The following THSD4 variants were observed in gnomAD, a reference collection of about 807,000 sequenced individuals.
THSD4 encodes thrombospondin type-1 domain-containing protein 4.
In THSD4, 69 loss-of-function variants were observed where a neutral mutation model predicts 119.0. That is an observed-to-expected ratio of 0.58 (90% CI 0.48 to 0.71). The LOEUF is 0.71. Among genes scored for constraint, THSD4 ranks in the 30% least tolerant of loss-of-function variants. The probability of loss-of-function intolerance (pLI) is 0.00; values close to 1 mark genes in which losing one functional copy is unlikely to be tolerated. For missense variants in THSD4, 1,393 were observed against 1,391.1 expected, an observed-to-expected ratio of 1.00 and a Z score of -0.02; for synonymous variants, 524 against 540.4, an observed-to-expected ratio of 0.97 and a Z score of 0.42.
intron 7 of THSD4, among the ~76,000 whole-genome samples, chr15:71,545,504 C>T (rs1423613598): frequency 6.6e-6 from 1 of 152,206 alleles, no homozygotes; most frequent in Non-Finnish European, 1.5e-5. Flanking sequence ...CTTGAGCCCA[C>T]GTGGTCTGTA....
At chr15:71,475,194 G>A (rs1402651880) in intron 7 of THSD4, among the ~76,000 whole-genome samples, 1 of 152,156 alleles carries the variant, frequency 6.6e-6, no homozygotes, top group African/African-American at 2.4e-5. Context: ...AGTTGAATGT[G>A]CCATCTGTCT....
At chr15:71,572,534 C>G (rs766882713) in intron 7 of THSD4, among the ~76,000 whole-genome samples, 10 of 152,110 alleles carry the variant, frequency 6.6e-5, no homozygotes, top group Non-Finnish European at 1.0e-4. Context: ...AAAGAAGAGA[C>G]ACTGGCTTGC....
At chr15:71,559,632 T>C (rs2140877096) in intron 7 of THSD4, among the ~76,000 whole-genome samples, 1 of 152,064 alleles carries the variant, frequency 6.6e-6, no homozygotes, top group Non-Finnish European at 1.5e-5. Flanking sequence ...CTCTACCTTC[T>C]TCCCATAAAA....
chr15:71,773,095 G>T (rs2053849556), intron 17 of THSD4, among the ~76,000 whole-genome samples: 1 of 150,840 alleles, frequency 6.6e-6, no homozygotes. Context: ...CGGCTAATTA[G>T]GAAGCTGAGG....
chr15:71,554,942 T>A (rs992179240), intron 7 of THSD4, among the ~76,000 whole-genome samples: 1 of 152,050 alleles, frequency 6.6e-6, no homozygotes, highest in African/African-American at 2.4e-5. Flanking sequence ...ACTAAAGAAA[T>A]CAAAATTCCC....
At chr15:71,130,528 C>T (rs1050679570) in intron 1 of THSD4, among the ~76,000 whole-genome samples, 3 of 151,994 alleles carry the variant, frequency 2.0e-5, no homozygotes, top group Non-Finnish European at 2.9e-5. Context: ...GCCATGACTC[C>T]AACAATTAGG....
chr15:71,547,538 C>T (rs1275212030), intron 7 of THSD4: 3 of 1,538,480 alleles, frequency 1.9e-6, no homozygotes, highest in Non-Finnish European at 2.6e-6. Flanking sequence ...ATTATATTTC[C>T]TCTTCTATCT....
intron 7 of THSD4, among the ~76,000 whole-genome samples, chr15:71,505,697 G>A (rs192790717): frequency 1.3e-5 from 2 of 152,168 alleles, no homozygotes; most frequent in Admixed American, 1.3e-4. Context: ...CTTCAAATAG[G>A]TAAGGCAAAT....
intron 6 of THSD4, among the ~76,000 whole-genome samples, chr15:71,408,515 G>GA (rs1212604502): frequency 6.6e-6 from 1 of 152,136 alleles, no homozygotes; most frequent in African/African-American, 2.4e-5. Flanking sequence ...TAACAGACAT[G>GA]AGCCACTGTG....
At chr15:71,226,141 A>G (rs1238592302) in intron 4 of THSD4, among the ~76,000 whole-genome samples, 1 of 152,142 alleles carries the variant, frequency 6.6e-6, no homozygotes, top group Non-Finnish European at 1.5e-5. Flanking sequence ...AATGTAATCT[A>G]TAAAATATGA....
At chr15:71,222,649 A>G (rs781104596) in intron 4 of THSD4, among the ~76,000 whole-genome samples, 8 of 152,066 alleles carry the variant, frequency 5.3e-5, no homozygotes, top group Non-Finnish European at 2.9e-5. Context: ...GCTTCCCAGA[A>G]CTTCCCAGAG....
chr15:71,413,083 C>T (rs1350026708), intron 7 of THSD4, among the ~76,000 whole-genome samples: 1 of 152,176 alleles, frequency 6.6e-6, no homozygotes, highest in Non-Finnish European at 1.5e-5. Flanking sequence ...ACAATCTCAG[C>T]TCACTGCAAC....
chr15:71,709,509 G>A (rs2052465253), intron 8 of THSD4, among the ~76,000 whole-genome samples: 1 of 152,180 alleles, frequency 6.6e-6, no homozygotes, highest in South Asian at 2.1e-4. Flanking sequence ...TTCCAGGGGG[G>A]CTCCTCACTG....
At chr15:71,406,643 GGTGTGTGTGT>G (rs56347233) in intron 6 of THSD4, among the ~76,000 whole-genome samples, 5,419 of 126,236 alleles carry the variant, frequency 0.043, 130 homozygotes, top group Admixed American at 0.086. Context: ...AGGTTTGTTT[GGTGTGTGTGT>G]GTGTGTGTGT....
intron 7 of THSD4, among the ~76,000 whole-genome samples, chr15:71,452,877 A>T (rs1275160100): frequency 6.6e-6 from 1 of 152,212 alleles, no homozygotes; most frequent in Non-Finnish European, 1.5e-5. Flanking sequence ...GGCCTCCCAA[A>T]GTCCTGGGAT....
chr15:71,623,497 G>A (rs1376531682), intron 7 of THSD4, among the ~76,000 whole-genome samples: 1 of 152,198 alleles, frequency 6.6e-6, no homozygotes, highest in African/African-American at 2.4e-5. Flanking sequence ...TGCTATAAAA[G>A]AGGAGCATTA....
intron 7 of THSD4, among the ~76,000 whole-genome samples, chr15:71,444,497 G>A (rs1041960511): frequency 6.6e-6 from 1 of 152,192 alleles, no homozygotes; most frequent in East Asian, 1.9e-4. Context: ...TGTAGCCCAT[G>A]CCTCTCTCCT....
intron 7 of THSD4, among the ~76,000 whole-genome samples, chr15:71,441,580 A>G (rs1225239197): frequency 6.6e-6 from 1 of 151,040 alleles, no homozygotes; most frequent in Non-Finnish European, 1.5e-5. Context: ...TTTTTAGTAG[A>G]GACGGGGTTT....
intron 15 of THSD4, among the ~76,000 whole-genome samples, chr15:71,761,836 G>A (rs891044530): frequency 2.0e-5 from 3 of 152,124 alleles, no homozygotes; most frequent in Admixed American, 1.3e-4. Flanking sequence ...ACTTTGACAC[G>A]AATGCTTCTG....
Sources: gnomAD v4.1 joint callset for allele counts (sites outside exome capture counted in the v4.1 genomes callset) on GRCh38, gnomAD v4.1.1 for gene constraint, MANE v1.5 for transcripts, NCBI Gene and HGNC (gene_info 2026-07-23, HGNC 2026-07-21) for gene names.